The following LDLRAD4 variants were observed in gnomAD, a reference collection of about 807,000 sequenced individuals.
LDLRAD4 encodes low-density lipoprotein receptor class A domain-containing protein 4.
In LDLRAD4, 5 loss-of-function variants were observed where a neutral mutation model predicts 17.0. The observed-to-expected ratio is 0.29, with a 90% CI of 0.15 to 0.62. The LOEUF is 0.62. LDLRAD4 is among the 20% of genes least tolerant of loss of function. The pLI, the probability that LDLRAD4 is intolerant of heterozygous loss-of-function variation, is 0.84. For synonymous variants in LDLRAD4, 168 were observed against 171.8 expected (o/e 0.98, Z 0.17); for missense variants, 340 against 424.7 (o/e 0.80, Z 1.75).
intron 3 of LDLRAD4, among the ~76,000 whole-genome samples, chr18:13,618,535 A>G (rs994258710): frequency 6.6e-6 from 1 of 152,242 alleles, no homozygotes; most frequent in Non-Finnish European, 1.5e-5. Context: ...ATAGTCAAGA[A>G]CAGATGACCT....
chr18:13,351,628 A>G (rs1445226785), intron 1 of LDLRAD4, among the ~76,000 whole-genome samples: 1 of 152,150 alleles, frequency 6.6e-6, no homozygotes, highest in Admixed American at 6.5e-5. Flanking sequence ...TTAATAGCCT[A>G]CCAACCGAAA....
chr18:13,566,385 A>G (rs1432259233), intron 3 of LDLRAD4, among the ~76,000 whole-genome samples: 3 of 128,274 alleles, frequency 2.3e-5, no homozygotes, highest in Non-Finnish European at 5.0e-5. Flanking sequence ...TTTTTTTGAG[A>G]CAGAGTCTCG....
At chr18:13,323,232 C>G (rs1322427214) in intron 1 of LDLRAD4, among the ~76,000 whole-genome samples, 3 of 152,242 alleles carry the variant, frequency 2.0e-5, no homozygotes, top group Non-Finnish European at 4.4e-5. Context: ...TTTGTAGACA[C>G]AGGATCTTGC....
intron 1 of LDLRAD4, among the ~76,000 whole-genome samples, chr18:13,383,302 A>G (rs1449624609): frequency 2.6e-5 from 4 of 152,338 alleles, no homozygotes; most frequent in Non-Finnish European, 4.4e-5. Context: ...TCTGCTGGCC[A>G]CTGCCTTTGC....
At chr18:13,401,303 G>A (rs1281059556) in intron 2 of LDLRAD4, among the ~76,000 whole-genome samples, 1 of 150,678 alleles carries the variant, frequency 6.6e-6, no homozygotes, top group Non-Finnish European at 1.5e-5. Flanking sequence ...AAGACTGTCA[G>A]TTTTGGCTAG....
intron 1 of LDLRAD4, among the ~76,000 whole-genome samples, chr18:13,353,688 G>T (rs1340311922): frequency 6.6e-6 from 1 of 152,192 alleles, no homozygotes; most frequent in Non-Finnish European, 1.5e-5. Context: ...TGCAAATTAG[G>T]TCAGGTCTAC....
At chr18:13,342,027 A>G (rs1170826071) in intron 1 of LDLRAD4, among the ~76,000 whole-genome samples, 2 of 152,014 alleles carry the variant, frequency 1.3e-5, no homozygotes, top group Non-Finnish European at 2.9e-5. Flanking sequence ...TGTTAATGTA[A>G]TATATTACGT....
intron 3 of LDLRAD4, among the ~76,000 whole-genome samples, chr18:13,557,233 G>A (rs139864342): frequency 2.9e-4 from 44 of 152,354 alleles, no homozygotes; most frequent in African/African-American, 1.0e-3. Context: ...AGGAGTTCAA[G>A]CTTACAGTGA....
chr18:13,493,359 T>G (rs12957590), intron 3 of LDLRAD4, among the ~76,000 whole-genome samples: 21,218 of 152,210 alleles, frequency 0.14, 1,833 homozygotes, highest in Middle Eastern at 0.22. Flanking sequence ...TAAAACATGG[T>G]CATGAAGGGA....
chr18:13,262,490 C>CTG (rs2043924466), intron 1 of LDLRAD4, among the ~76,000 whole-genome samples: 1 of 125,006 alleles, frequency 8.0e-6, no homozygotes, highest in African/African-American at 3.3e-5. Context: ...CCGTGCGGCC[C>CTG]TGTGCGTGGA....
At chr18:13,332,207 G>A (rs940695738) in intron 1 of LDLRAD4, among the ~76,000 whole-genome samples, 1 of 152,198 alleles carries the variant, frequency 6.6e-6, no homozygotes, top group Admixed American at 6.5e-5. Context: ...GTAGCAAGGT[G>A]AGCAAAACAC....
At chr18:13,303,126 G>A (rs1273829708) in intron 1 of LDLRAD4, among the ~76,000 whole-genome samples, 1 of 152,254 alleles carries the variant, frequency 6.6e-6, no homozygotes, top group Admixed American at 6.5e-5. Flanking sequence ...GAAGGCACCG[G>A]AGGGCAGGAG....
intron 3 of LDLRAD4, among the ~76,000 whole-genome samples, chr18:13,594,104 G>A (rs540673929): frequency 6.6e-6 from 1 of 152,144 alleles, no homozygotes; most frequent in African/African-American, 2.4e-5. Context: ...TTGGGGTCCC[G>A]GAGAGCTCAG....
chr18:13,227,306 A>T (rs2041860466), intron 1 of LDLRAD4, among the ~76,000 whole-genome samples: 1 of 152,190 alleles, frequency 6.6e-6, no homozygotes, highest in South Asian at 2.1e-4. Context: ...ACAGTCTTTC[A>T]TTGAGGGGTT....
chr18:13,594,575 A>T (rs1430387357), intron 3 of LDLRAD4, among the ~76,000 whole-genome samples: 2 of 147,958 alleles, frequency 1.4e-5, no homozygotes, highest in Non-Finnish European at 3.0e-5. Context: ...CTGAGGCACA[A>T]GAGTCGCTTG....
intron 2 of LDLRAD4, chr18:13,419,521 C>A (rs1002036947): frequency 2.2e-4 from 33 of 152,104 alleles, no homozygotes; most frequent in African/African-American, 8.0e-4. Flanking sequence ...AAGTTCTTTA[C>A]GTGAATGATT....
At chr18:13,625,100 T>G (rs921165084) in intron 4 of LDLRAD4, among the ~76,000 whole-genome samples, 6 of 152,156 alleles carry the variant, frequency 3.9e-5, no homozygotes, top group Admixed American at 6.5e-5. Flanking sequence ...GTCCCCTCTG[T>G]GGAGCGCAGC....
chr18:13,252,191 C>A (rs997416106), intron 1 of LDLRAD4, among the ~76,000 whole-genome samples: 1 of 152,186 alleles, frequency 6.6e-6, no homozygotes, highest in African/African-American at 2.4e-5. Context: ...ATGGTGCAAT[C>A]TCGGCTCACT....
chr18:13,386,281 G>C (rs56101722), intron 1 of LDLRAD4, among the ~76,000 whole-genome samples: 1 of 151,994 alleles, frequency 6.6e-6, no homozygotes, highest in East Asian at 1.9e-4. Flanking sequence ...TGATCCTTTG[G>C]GCTTCTGTCA....
Sources: allele counts gnomAD v4.1 joint callset (sites outside exome capture counted in the v4.1 genomes callset), GRCh38; gene constraint gnomAD v4.1.1; transcripts MANE v1.5; gene names NCBI Gene and HGNC (gene_info 2026-07-23, HGNC 2026-07-21).